The following CLDN14 variants were observed in gnomAD, a reference collection of about 807,000 sequenced individuals.
CLDN14 encodes the protein claudin-14.
CLDN14 carries 2 observed loss-of-function variants against 2.1 expected under a neutral mutation model. The observed-to-expected ratio is 0.96, with a 90% CI of 0.39 to 3.01. CLDN14 has a LOEUF of 3.01. CLDN14 is among the 30% of genes most tolerant of loss of function. CLDN14 has a pLI of 0.09. For missense variants in CLDN14, 298 were observed against 328.0 expected, an observed-to-expected ratio of 0.91 and a Z score of 0.71; for synonymous variants, 136 against 154.4, an observed-to-expected ratio of 0.88 and a Z score of 0.88.
chr21:36,513,894 C>T (rs1306389796), intron 1 of CLDN14, among the ~76,000 whole-genome samples: 1 of 152,154 alleles, frequency 6.6e-6, no homozygotes, highest in Non-Finnish European at 1.5e-5. Flanking sequence ...TGCAGTGGCA[C>T]GACCTCCGCT....
intron 1 of CLDN14, among the ~76,000 whole-genome samples, chr21:36,565,948 A>G (rs1173304721): frequency 6.6e-6 from 1 of 152,140 alleles, no homozygotes; most frequent in African/African-American, 2.4e-5. Context: ...CTTTCTATAA[A>G]TCTTTTGTCC....
At chr21:36,511,925 T>C (rs1446348033) in intron 1 of CLDN14, among the ~76,000 whole-genome samples, 4 of 152,206 alleles carry the variant, frequency 2.6e-5, no homozygotes, top group Non-Finnish European at 5.9e-5. Context: ...TTTATGTAGC[T>C]GTGACTGCCT....
chr21:36,461,359 C>G lies in CLDN14; in HGVS notation c.337G>C (p.Ala113Pro), dbSNP rs138631461. Residue 113 changes from alanine to proline, a missense_variant, in exon 2 of 2, where the codon GCC (alanine) becomes CCC (proline). Transcript: ENST00000399135. ...CCGAGGATGGCAAAGGTGGTCTTGG[C>G]GGGTGTGCCCTTGGCGCAGCGCGTG... ...KCTRCAKGTP[A>P]KTTFAILGGT... The G allele has an allele frequency of 7.4e-6, 12 of 1,613,166 alleles. No individual in the cohort carries two copies. In the East Asian group the frequency reaches 2.5e-4, roughly 33 times the overall value.
At position 36,460,715 on chromosome 21, in the gene CLDN14, C is replaced by G. The variant is rs2086555066; in HGVS notation, c.*261G>C. The G allele has an allele frequency of 2.2e-6, 1 of 450,350 alleles. No homozygotes were observed. Among genetic ancestry groups the G allele is most frequent in the South Asian group, 3.0e-5 (1 of 33,048 alleles). 27.9% of individuals were successfully genotyped at this position (450,350 alleles called of 1,614,324 possible). ...AGTCACTTTATATTAAACTTGTTAT[C>G]AAATCACCCACATAAATATATATAA... On this transcript the variant is annotated 3_prime_UTR_variant, in exon 2 of 2. Coordinates refer to ENST00000399135, the MANE Select transcript of CLDN14 (RefSeq NM_001146079.2). The surrounding 1 kb of genome is among the most constrained non-coding windows in gnomAD (Gnocchi z 4.0).
Position 36,499,945 on chromosome 21 carries a change from C to T in CLDN14, c.-82+10418G>A, listed in dbSNP as rs2087078423. Among the ~76,000 whole-genome samples, 1 of 152,112 alleles carries T rather than the reference C, an allele frequency of 6.6e-6. No individual in the cohort carries two copies. Among genetic ancestry groups the T allele is most frequent in the Non-Finnish European group, 1.5e-5 (1 of 68,016 alleles). On this transcript the variant is annotated intron_variant, in intron 2 of 2. Coordinates refer to the CLDN14 transcript ENST00000342108. This position sits in a 1 kb window ranked among gnomAD's most constrained non-coding sequence, Gnocchi z 4.7. ...AGCAGTACTGGGCCCAGAAGCCTGC[C>T]CCAGCCGCGCACACAGAGTCTACCT... is the stretch of plus-strand genomic sequence containing the variant.
intron 1 of CLDN14, among the ~76,000 whole-genome samples, chr21:36,552,581 AG>A (rs2087570031): frequency 6.6e-6 from 1 of 152,242 alleles, no homozygotes; most frequent in South Asian, 2.1e-4. Context: ...GGTTGAATTA[AG>A]GCTCATAACT....
Position 36,498,920 on chromosome 21 carries a change from C to T in CLDN14, c.-82+11443G>A, listed in dbSNP as rs943235371. Among the ~76,000 whole-genome samples the T allele has an allele frequency of 5.9e-5, 9 of 152,110 alleles. No homozygotes were observed. The highest frequency in any genetic ancestry group is 7.4e-5 in the Non-Finnish European group (5 of 68,012). On this transcript the variant is annotated intron_variant, in intron 2 of 2. Coordinates refer to the CLDN14 transcript ENST00000342108. This position sits in a 1 kb window ranked among gnomAD's most constrained non-coding sequence, Gnocchi z 4.9. ...ACCTGTCCCTTTCTTCTAGGTGGTTCGCTCAGCAAGGGTACTTTTTGTAAT... is the reference window on the plus strand; with the variant it reads ...ACCTGTCCCTTTCTTCTAGGTGGTTTGCTCAGCAAGGGTACTTTTTGTAAT...
Position 36,514,660 on chromosome 21 carries a change from TGTAG to T in CLDN14, c.-219-4164_-219-4161del, listed in dbSNP as rs1337564967. Among the ~76,000 whole-genome samples the T allele has an allele frequency of 1.3e-3, 172 of 136,594 alleles. 2 individuals carry two copies. The highest frequency in any genetic ancestry group is 5.4e-3 in the African/African-American group (161 of 29,892). 89.6% of individuals were successfully genotyped at this position (136,594 alleles called of 152,430 possible). A position where few individuals can be genotyped will look rare whatever the true frequency, so the allele number is the denominator to read the frequency against. On this transcript the variant is annotated intron_variant, in intron 1 of 2. Coordinates refer to the CLDN14 transcript ENST00000342108. ...GTGTGTGTGTGTGTGTGTGTGTGTG[TGTAG>T]AGAGACAGGAGGGAGAGAAGAGGAG...
At chr21:36,535,008 A>G (rs2087412875) in intron 1 of CLDN14, among the ~76,000 whole-genome samples, 1 of 152,218 alleles carries the variant, frequency 6.6e-6, no homozygotes, top group South Asian at 2.1e-4. Flanking sequence ...GATGAAAAGG[A>G]GAGGTGGAAA....
At chr21:36,572,660 T>C (rs1466270559) in intron 1 of CLDN14, among the ~76,000 whole-genome samples, 1 of 152,210 alleles carries the variant, frequency 6.6e-6, no homozygotes. Context: ...ATTTGTTTTT[T>C]AAACGGATGC....
At chr21:36,573,635 A>G (rs1322700720) in intron 1 of CLDN14, among the ~76,000 whole-genome samples, 3 of 152,182 alleles carry the variant, frequency 2.0e-5, no homozygotes, top group Admixed American at 6.5e-5. Context: ...TTACTATCTA[A>G]TTAGTCTTAA....
intron 1 of CLDN14, among the ~76,000 whole-genome samples, chr21:36,471,984 A>G (rs1166588337): frequency 6.6e-6 from 1 of 152,262 alleles, no homozygotes; most frequent in East Asian, 1.9e-4. Context: ...TGATAAGAGT[A>G]AAAACAGTCA....
chr21:36,549,270 A>G (rs1454145863), intron 1 of CLDN14, among the ~76,000 whole-genome samples: 1 of 150,100 alleles, frequency 6.7e-6, no homozygotes, highest in Non-Finnish European at 1.5e-5. Context: ...TGTGCATTAC[A>G]CACACACTCT....
At chr21:36,529,554 G>A (rs1299420344) in intron 1 of CLDN14, among the ~76,000 whole-genome samples, 5 of 152,134 alleles carry the variant, frequency 3.3e-5, no homozygotes, top group Non-Finnish European at 5.9e-5. Flanking sequence ...GGGATTACAG[G>A]TGTGAGCCAC....
chr21:36,482,436 GGATGGATGGATGGATA>G (rs1329657935), upstream of CLDN14, among the ~76,000 whole-genome samples: 209 of 148,160 alleles, frequency 1.4e-3, no homozygotes, highest in South Asian at 0.013. Context: ...ATGGATGGAT[GGATGGATGGATGGATA>G]GATGGATGGA....
chr21:36,492,594 A>G (rs945654136), intron 2 of CLDN14, among the ~76,000 whole-genome samples: 1 of 152,138 alleles, frequency 6.6e-6, no homozygotes. Flanking sequence ...GTGCCACTGC[A>G]CTGCAGCCTA....
intron 1 of CLDN14, among the ~76,000 whole-genome samples, chr21:36,517,028 C>T (rs1179508249): frequency 1.3e-5 from 2 of 151,466 alleles, no homozygotes; most frequent in African/African-American, 2.4e-5. Flanking sequence ...TTAGTAGAGA[C>T]GGGGTTTCGC....
chr21:36,549,040 T>C (rs536131053), intron 1 of CLDN14, among the ~76,000 whole-genome samples: 39 of 152,214 alleles, frequency 2.6e-4, no homozygotes, highest in African/African-American at 8.9e-4. Flanking sequence ...TTTTTCTTAA[T>C]ACTCAAACCA....
At chr21:36,526,900 G>A (rs1049288068) in intron 1 of CLDN14, among the ~76,000 whole-genome samples, 1 of 152,150 alleles carries the variant, frequency 6.6e-6, no homozygotes, top group Non-Finnish European at 1.5e-5. Context: ...GGCCTGATAG[G>A]CCCACCTCCC....
Sources: gnomAD v4.1 joint callset for allele counts (sites outside exome capture counted in the v4.1 genomes callset) on GRCh38, gnomAD v4.1.1 for gene constraint, Gnocchi (gnomAD v3.1) non-coding constraint, MANE v1.5 for transcripts, NCBI Gene and HGNC (gene_info 2026-07-23, HGNC 2026-07-21) for gene names.